The following PLXDC2 variants were observed in gnomAD, a reference collection of about 807,000 sequenced individuals.
The protein encoded by PLXDC2 is plexin domain-containing protein 2.
Under a neutral mutation model 68.9 loss-of-function variants are expected in PLXDC2, and 40 were observed. The ratio of observed to expected loss-of-function variants is 0.58; its 90% CI spans 0.45 to 0.76. The LOEUF is 0.76. PLXDC2 is among the 30% of genes least tolerant of loss of function. The probability of loss-of-function intolerance (pLI) is 0.00; values close to 1 mark genes in which losing one functional copy is unlikely to be tolerated. For synonymous variants in PLXDC2, 243 were observed against 234.2 expected, an observed-to-expected ratio of 1.04 and a Z score of -0.34; for missense variants, 644 against 661.9, an observed-to-expected ratio of 0.97 and a Z score of 0.30.
chr10:19,860,009 C>A (rs1163476693), intron 1 of PLXDC2, among the ~76,000 whole-genome samples: 1 of 152,126 alleles, frequency 6.6e-6, no homozygotes, highest in African/African-American at 2.4e-5. Flanking sequence ...GGATTACAGA[C>A]GTGAGCCACT....
At chr10:20,248,904 C>G (rs975388796) in intron 13 of PLXDC2, among the ~76,000 whole-genome samples, 1 of 152,076 alleles carries the variant, frequency 6.6e-6, no homozygotes, top group African/African-American at 2.4e-5. Context: ...GTGCTTTCTT[C>G]TTTTATGAAA....
chr10:19,857,020 T>G (rs757347350), intron 1 of PLXDC2, among the ~76,000 whole-genome samples: 56 of 152,302 alleles, frequency 3.7e-4, no homozygotes, highest in Admixed American at 1.4e-3. Flanking sequence ...TAGTCATAAT[T>G]TATTAAACAC....
Position 20,248,128 on chromosome 10 carries a change from A to G in PLXDC2, c.1473+2623A>G, listed in dbSNP as rs143174944. 3.4e-3 allele frequency among the ~76,000 whole-genome samples: 518 copies of G among 152,334 alleles called. 3 individuals carry two copies. The highest frequency in any genetic ancestry group is 0.011 in the African/African-American group (466 of 41,572). On this transcript the variant is annotated intron_variant, in intron 13 of 13. Coordinates refer to ENST00000377252, the MANE Select transcript of PLXDC2 (RefSeq NM_032812.9). Reference sequence around the variant, plus strand: ...CAAACTGTGCAGTTTATTTTCTGACATGGTGAAAAAGAAGACACTGAAATA... The same window carrying G: ...CAAACTGTGCAGTTTATTTTCTGACGTGGTGAAAAAGAAGACACTGAAATA...
chr10:19,820,717 A>T (rs1247782303), intron 1 of PLXDC2, among the ~76,000 whole-genome samples: 1 of 151,826 alleles, frequency 6.6e-6, no homozygotes, highest in Non-Finnish European at 1.5e-5. Context: ...GCTATCTCCT[A>T]TTGCAGAAAC....
At position 19,920,675 on chromosome 10, in the gene PLXDC2, A is replaced by G. The variant is rs541921821; in HGVS notation, c.113-81100A>G. ...TCCACTCAAACAATCCTCCCACCTC[A>G]GCCTCCAAAGTAGCTGAGACCACAG... On this transcript the variant is annotated intron_variant, in intron 1 of 13. Transcript: ENST00000377252. 2.6e-5 allele frequency among the ~76,000 whole-genome samples: 4 copies of G among 152,252 alleles called. 1 individual carries two copies. In the South Asian group the frequency reaches 8.3e-4, roughly 32 times the overall value.
intron 12 of PLXDC2, among the ~76,000 whole-genome samples, chr10:20,239,803 T>A (rs1835491277): frequency 6.6e-6 from 1 of 152,194 alleles, no homozygotes; most frequent in Non-Finnish European, 1.5e-5. Context: ...TTTATTGTAT[T>A]TTCTGCAGGA....
chr10:20,217,370 T>G, intron 10 of PLXDC2, 56 bp from the exon 11 acceptor site: 1 of 1,485,856 alleles, frequency 6.7e-7, no homozygotes, highest in East Asian at 2.3e-5. Flanking sequence ...TGATGTAAGT[T>G]CTAAAAATAG....
At chr10:19,925,044 A>C (rs1320613305) in intron 1 of PLXDC2, among the ~76,000 whole-genome samples, 1 of 152,222 alleles carries the variant, frequency 6.6e-6, no homozygotes, top group Non-Finnish European at 1.5e-5. Context: ...AAGGTCTGCA[A>C]ACTGTGACTG....
intron 9 of PLXDC2, among the ~76,000 whole-genome samples, chr10:20,195,193 G>C (rs566610092): frequency 6.6e-6 from 1 of 151,932 alleles, no homozygotes; most frequent in Admixed American, 6.6e-5. Context: ...CCTGTGGTCC[G>C]GGCCTCACAG....
intron 1 of PLXDC2, among the ~76,000 whole-genome samples, chr10:19,944,090 A>G (rs959682063): frequency 6.6e-6 from 1 of 152,212 alleles, no homozygotes; most frequent in African/African-American, 2.4e-5. Flanking sequence ...TATAACTGCA[A>G]TGTTCTCATG....
At chr10:20,042,948 C>T in intron 2 of PLXDC2, among the ~76,000 whole-genome samples, 1 of 152,148 alleles carries the variant, frequency 6.6e-6, no homozygotes, top group East Asian at 1.9e-4. Context: ...GGCAACTAGG[C>T]ATATCACAGT....
intron 4 of PLXDC2, among the ~76,000 whole-genome samples, chr10:20,090,020 T>C (rs1589624281): frequency 6.6e-6 from 1 of 152,148 alleles, no homozygotes; most frequent in African/African-American, 2.4e-5. Context: ...TGGTTAGTTA[T>C]CATTGCCAGT....
In PLXDC2 at chr10:20,282,179, ACTT is replaced by A. The variant is rs1836090191; in HGVS notation, c.*2364_*2366del. Reference sequence around the variant, plus strand: ...CTTCTTGAAACTGGAGTGTGGGAAAACTTCTTAACAGAACTAAGAGTTAAAGGT... The same window carrying A: ...CTTCTTGAAACTGGAGTGTGGGAAAACTTAACAGAACTAAGAGTTAAAGGT... On this transcript the variant is annotated 3_prime_UTR_variant, in exon 14 of 14. Coordinates refer to ENST00000377252, the MANE Select transcript of PLXDC2 (RefSeq NM_032812.9). 1 of 152,184 alleles carries A rather than the reference ACTT, an allele frequency of 6.6e-6. No homozygotes were observed. Among genetic ancestry groups the A allele is most frequent in the Non-Finnish European group, 1.5e-5 (1 of 68,034 alleles). 9.4% of individuals were successfully genotyped at this position (152,184 alleles called of 1,614,324 possible).
rs140149632 is a variant in PLXDC2, at chr10:20,026,446, A to G, written c.325-20423A>G. ...CCAAACTGGTCAATTTAATCATGTG[A>G]TTTATCTCCTTGAAGGAAAGAAAAA... On this transcript the variant is annotated intron_variant, in intron 2 of 13. Transcript: ENST00000377252. Among the ~76,000 whole-genome samples, 9 of 152,302 alleles carry G rather than the reference A, an allele frequency of 5.9e-5. No individual in the cohort carries two copies. The East Asian group carries it at 1.7e-3, about 29-fold the overall frequency.
intron 1 of PLXDC2, among the ~76,000 whole-genome samples, chr10:19,901,805 C>T (rs1035027505): frequency 5.3e-5 from 8 of 152,072 alleles, no homozygotes; most frequent in African/African-American, 1.9e-4. Flanking sequence ...TTTATAGTTT[C>T]ACGTCTTAGA....
At chr10:20,209,401 G>A (rs1835037170) in intron 9 of PLXDC2, among the ~76,000 whole-genome samples, 1 of 152,010 alleles carries the variant, frequency 6.6e-6, no homozygotes, top group Non-Finnish European at 1.5e-5. Context: ...TGGGGGAAGA[G>A]GGGAGGGATA....
chr10:19,915,558 T>C (rs1337935014), intron 1 of PLXDC2, among the ~76,000 whole-genome samples: 1 of 152,194 alleles, frequency 6.6e-6, no homozygotes, highest in African/African-American at 2.4e-5. Flanking sequence ...TTTCCTGCTC[T>C]ATTGTTCTTC....
At chr10:20,210,015 TC>T (rs1437418489) in intron 9 of PLXDC2, among the ~76,000 whole-genome samples, 1 of 152,170 alleles carries the variant, frequency 6.6e-6, no homozygotes, top group African/African-American at 2.4e-5. Flanking sequence ...GTCCCTCTGT[TC>T]AGGGTCCCTG....
chr10:19,946,534 C>G (rs7895470), intron 1 of PLXDC2, among the ~76,000 whole-genome samples: 110,979 of 150,674 alleles, frequency 0.74, 41,201 homozygotes, highest in African/African-American at 0.82. Flanking sequence ...TTAAGATGGA[C>G]AGTTTATCCT....
Sources: allele counts gnomAD v4.1 joint callset (sites outside exome capture counted in the v4.1 genomes callset), GRCh38; gene constraint gnomAD v4.1.1; transcripts MANE v1.5; gene names NCBI Gene and HGNC (gene_info 2026-07-23, HGNC 2026-07-21).